The following LARGE1 variants were observed in gnomAD, a reference collection of about 807,000 sequenced individuals.
LARGE1 encodes xylosyl- and glucuronyltransferase LARGE1.
In LARGE1, 43 loss-of-function variants were observed where a neutral mutation model predicts 87.6. The observed-to-expected ratio is 0.49, with a 90% CI of 0.38 to 0.63. The LOEUF (loss-of-function observed/expected upper bound fraction) is 0.63. Ranked by LOEUF, LARGE1 falls within the 30% of genes least tolerant of loss-of-function variation. LARGE1 has a pLI of 0.00. For missense variants in LARGE1, 802 were observed against 1,000.2 expected, an observed-to-expected ratio of 0.80 and a Z score of 2.67; for synonymous variants, 434 against 394.6, an observed-to-expected ratio of 1.10 and a Z score of -1.18.
At chr22:33,730,278 G>A (rs112214905) in intron 2 of LARGE1, among the ~76,000 whole-genome samples, 1 of 152,150 alleles carries the variant, frequency 6.6e-6, no homozygotes, top group Non-Finnish European at 1.5e-5. Flanking sequence ...TTACTTCACT[G>A]TAAGAGTACA....
intron 6 of LARGE1, among the ~76,000 whole-genome samples, chr22:33,435,935 T>C (rs184156789): frequency 1.3e-5 from 2 of 152,322 alleles, no homozygotes; most frequent in East Asian, 1.9e-4. Flanking sequence ...TTTTGCTTTT[T>C]AAAAGAAATT....
At chr22:33,128,373 T>A in the LARGE1 span, among the ~76,000 whole-genome samples, 2 of 152,110 alleles carry the variant, frequency 1.3e-5, no homozygotes, top group African/African-American at 2.4e-5. Flanking sequence ...AGTGATAGAC[T>A]GGATAAAGAA....
chr22:33,535,226 C>A (rs780574090), intron 6 of LARGE1, among the ~76,000 whole-genome samples: 1 of 152,164 alleles, frequency 6.6e-6, no homozygotes, highest in Non-Finnish European at 1.5e-5. Context: ...TCCGGAGCCA[C>A]GCTGATGCTG....
chr22:33,852,644 C>T (rs1334104658), intron 1 of LARGE1, among the ~76,000 whole-genome samples: 1 of 151,754 alleles, frequency 6.6e-6, no homozygotes, highest in Non-Finnish European at 1.5e-5. Context: ...CTCAGGAGTT[C>T]GAGACCAGCC....
At chr22:33,533,029 A>C (rs1301112186) in intron 6 of LARGE1, among the ~76,000 whole-genome samples, 1 of 152,170 alleles carries the variant, frequency 6.6e-6, no homozygotes, top group Non-Finnish European at 1.5e-5. Context: ...GTAAAAACAA[A>C]ATTGAGAAAA....
chr22:33,785,551 C>G (rs1037962621), intron 1 of LARGE1, among the ~76,000 whole-genome samples: 4 of 152,028 alleles, frequency 2.6e-5, no homozygotes, highest in African/African-American at 9.7e-5. Flanking sequence ...AGGAAGAAAC[C>G]CAGTGCCTGG....
intron 2 of LARGE1, among the ~76,000 whole-genome samples, chr22:33,666,502 G>C (rs2081271468): frequency 6.6e-6 from 1 of 152,188 alleles, no homozygotes. Flanking sequence ...AAGCAATCCT[G>C]CTACTGCCAA....
intron 11 of LARGE1, among the ~76,000 whole-genome samples, chr22:33,220,729 T>A (rs1485542016): frequency 6.6e-6 from 1 of 152,228 alleles, no homozygotes; most frequent in South Asian, 2.1e-4. Context: ...CAACAGAGGA[T>A]GCAGCACAGA....
Position 33,523,997 on chromosome 22 carries a change from T to C in LARGE1, c.787+40851A>G, listed in dbSNP as rs571949879. ...AAATCTCCTTAAATCTACACCTCTATAAAAATCAAGCCCAGCCGGGTGTGG... is the reference window on the plus strand; with the variant it reads ...AAATCTCCTTAAATCTACACCTCTACAAAAATCAAGCCCAGCCGGGTGTGG... On this transcript the variant is annotated intron_variant, in intron 6 of 14. Coordinates refer to ENST00000397394, the MANE Select transcript of LARGE1 (RefSeq NM_133642.5). Among the ~76,000 whole-genome samples the C allele has an allele frequency of 2.0e-5, 3 of 152,200 alleles. No homozygotes were observed. The South Asian group carries it at 6.2e-4, about 32-fold the overall frequency.
chr22:33,756,479 C>G (rs1205658706), intron 2 of LARGE1, among the ~76,000 whole-genome samples: 1 of 152,066 alleles, frequency 6.6e-6, no homozygotes, highest in Non-Finnish European at 1.5e-5. Context: ...GGGTCAGGAG[C>G]AATTAATTGT....
At position 33,427,299 on chromosome 22, in the gene LARGE1, A is replaced by G. The variant is rs74426450; in HGVS notation, c.892+4862T>C. Among the ~76,000 whole-genome samples, 1,344 of 152,318 alleles carry G rather than the reference A, an allele frequency of 8.8e-3. 24 individuals carry two copies. Among genetic ancestry groups the G allele is most frequent in the African/African-American group, 0.031 (1,287 of 41,562 alleles). On this transcript the variant is annotated intron_variant, in intron 7 of 14. Coordinates refer to ENST00000397394, the MANE Select transcript of LARGE1 (RefSeq NM_133642.5). ...CAGTTATGGGCAAGAGCTTCATGCT[A>G]GGATCTGCCTGGTTATCCATCCGAA...
chr22:33,127,293 G>GA, the LARGE1 span, among the ~76,000 whole-genome samples: 8 of 151,844 alleles, frequency 5.3e-5, no homozygotes, highest in African/African-American at 1.9e-4. Flanking sequence ...CCAGGATTAA[G>GA]AAAAACGTTC....
rs2077875404 is a variant in LARGE1 at position 33,561,922 on chromosome 22, G to A, written c.787+2926C>T. On this transcript the variant is annotated intron_variant, in intron 6 of 14. Coordinates refer to ENST00000397394, the MANE Select transcript of LARGE1 (RefSeq NM_133642.5). Reference sequence around the variant, plus strand: ...CCCGGTAATGAATTTAGGAACAAGGGGCTTTCACAGCGCCACAAAGGAATC... The same window carrying A: ...CCCGGTAATGAATTTAGGAACAAGGAGCTTTCACAGCGCCACAAAGGAATC... Among the ~76,000 whole-genome samples the A allele has an allele frequency of 2.0e-5, 3 of 152,152 alleles. No homozygotes were observed. The South Asian group carries it at 6.2e-4, about 32-fold the overall frequency.
At chr22:33,325,684 C>A (rs1019967545) in intron 10 of LARGE1, among the ~76,000 whole-genome samples, 2 of 78,794 alleles carry the variant, frequency 2.5e-5, no homozygotes, top group Non-Finnish European at 7.5e-5. Flanking sequence ...ATTAAGGAGT[C>A]TGGGAGGCCC....
At chr22:33,418,710 G>A (rs927344963) in intron 7 of LARGE1, among the ~76,000 whole-genome samples, 3 of 132,020 alleles carry the variant, frequency 2.3e-5, no homozygotes, top group Admixed American at 2.1e-4. Flanking sequence ...GTGGCTGGAG[G>A]GAGGCGGCTG....
chr22:33,767,165 A>T (rs894073439), intron 1 of LARGE1, among the ~76,000 whole-genome samples: 15 of 150,360 alleles, frequency 1.0e-4, no homozygotes, highest in Admixed American at 1.3e-4. Context: ...AAATATAAAT[A>T]AAAAAAATCA....
chr22:33,602,102 A>C (rs16992622), intron 5 of LARGE1, among the ~76,000 whole-genome samples: 591 of 152,272 alleles, frequency 3.9e-3, no homozygotes, highest in African/African-American at 0.014. Flanking sequence ...GGAATGAAGC[A>C]TTTTTAAGAA....
At chr22:33,074,361 A>G in the LARGE1 span, among the ~76,000 whole-genome samples, 1 of 152,160 alleles carries the variant, frequency 6.6e-6, no homozygotes, top group African/African-American at 2.4e-5. Context: ...GAATGGCCTT[A>G]AGAAAAATAA....
At chr22:33,846,482 C>T (rs2146463470) in intron 1 of LARGE1, among the ~76,000 whole-genome samples, 1 of 152,156 alleles carries the variant, frequency 6.6e-6, no homozygotes, top group Admixed American at 6.5e-5. Context: ...TGTGTTTGAA[C>T]AATATGAAAT....
Sources: gnomAD v4.1 joint callset for allele counts (sites outside exome capture counted in the v4.1 genomes callset) on GRCh38, gnomAD v4.1.1 for gene constraint, MANE v1.5 for transcripts, NCBI Gene and HGNC (gene_info 2026-07-23, HGNC 2026-07-21) for gene names.